The following SRGAP1 variants were observed in gnomAD, a reference collection of about 807,000 sequenced individuals.
SRGAP1 encodes SLIT-ROBO Rho GTPase-activating protein 1.
A neutral mutation model predicts 121.9 loss-of-function variants in SRGAP1; 43 were observed. The observed-to-expected ratio is 0.35, with a 90% CI of 0.28 to 0.46. The LOEUF is 0.46. Among genes scored for constraint, SRGAP1 ranks in the 20% least tolerant of loss-of-function variants. The pLI is 1.00. For missense variants in SRGAP1, 1,102 were observed against 1,350.9 expected, an observed-to-expected ratio of 0.82 and a Z score of 2.89; for synonymous variants, 447 against 485.4, an observed-to-expected ratio of 0.92 and a Z score of 1.04.
At chr12:64,049,311 G>T (rs535008662) in intron 6 of SRGAP1, among the ~76,000 whole-genome samples, 1 of 152,242 alleles carries the variant, frequency 6.6e-6, no homozygotes, top group African/African-American at 2.4e-5. Context: ...ATAAAGAACT[G>T]CCCAAGACTG....
rs1308299235 is a variant in SRGAP1 at position 64,156,175 on chromosome 12, T to C, written c.*13503T>C. The stretch of plus-strand genomic sequence containing the variant: ...TAACTACTGTTATCTTGCCTCCTTA[T>C]TGCTCCACACACTTGAAATATAAAT... On this transcript the variant is annotated 3_prime_UTR_variant, in exon 22 of 22. Transcript: ENST00000355086. 1 of 152,254 alleles carries C rather than the reference T, an allele frequency of 6.6e-6. No homozygotes were observed. Among genetic ancestry groups the C allele is most frequent in the African/African-American group, 2.4e-5 (1 of 41,466 alleles). 9.4% of individuals were successfully genotyped at this position (152,254 alleles called of 1,614,324 possible). A position where few individuals can be genotyped will look rare whatever the true frequency, so the allele number is the denominator to read the frequency against.
At chr12:63,897,636 A>G (rs1353776658) in intron 1 of SRGAP1, among the ~76,000 whole-genome samples, 1 of 152,178 alleles carries the variant, frequency 6.6e-6, no homozygotes, top group African/African-American at 2.4e-5. Flanking sequence ...GCTATTTCAG[A>G]TGTGTCTTAA....
chr12:64,051,561 A>G (rs77320097), intron 6 of SRGAP1, among the ~76,000 whole-genome samples: 1,629 of 152,318 alleles, frequency 0.011, 27 homozygotes, highest in African/African-American at 0.037. Flanking sequence ...TGTGTCATTG[A>G]CACTGTATTT....
chr12:64,068,942 G>C (rs1049221789), intron 8 of SRGAP1, among the ~76,000 whole-genome samples: 2 of 151,178 alleles, frequency 1.3e-5, no homozygotes, highest in Non-Finnish European at 2.9e-5. Flanking sequence ...CCCAGGAGGC[G>C]GAGGTTGCAG....
At chr12:64,012,080 A>G (rs576472943) in intron 3 of SRGAP1, among the ~76,000 whole-genome samples, 1 of 151,970 alleles carries the variant, frequency 6.6e-6, no homozygotes, top group East Asian at 1.9e-4. Context: ...AAAAAAAATT[A>G]TAATGAGCTG....
rs755668158 is a variant in SRGAP1, at chr12:64,016,946, A to T, written c.427-4A>T. 2.9e-5 allele frequency: 43 copies of T among 1,480,298 alleles called. No homozygotes were observed. The Admixed American group carries it at 7.9e-4, about 27-fold the overall frequency. The allele number at this position is 1,480,298 out of a possible 1,614,324, so 91.7% of individuals were successfully genotyped here. A position where few individuals can be genotyped will look rare whatever the true frequency, so the allele number is the denominator to read the frequency against. ...AAATATTCTTTTTTATTTTCTAATT[A>T]CAGAGCAAAGAGATTGCATTCCAAC... On this transcript the variant is annotated splice_region_variant and splice_polypyrimidine_tract_variant and intron_variant, in intron 3 of 21. Transcript: ENST00000355086.
chr12:64,077,385 G>T (rs555909575), intron 8 of SRGAP1, among the ~76,000 whole-genome samples: 4 of 151,440 alleles, frequency 2.6e-5, no homozygotes, highest in Admixed American at 6.6e-5. Flanking sequence ...ATAAGCACTC[G>T]ACATCAAAGA....
chr12:64,127,917 A>G lies in SRGAP1; in HGVS notation c.2597A>G (p.Asp866Gly), dbSNP rs952397992. 1 of 1,614,128 alleles carries G rather than the reference A, an allele frequency of 6.2e-7. No individual in the cohort carries two copies. The highest frequency in any genetic ancestry group is 8.5e-7 in the Non-Finnish European group (1 of 1,180,006). Residue 866 changes from aspartate to glycine, a missense_variant, in exon 21 of 22, where the codon GAT becomes GGT. By Grantham distance (94) the Asp-to-Gly change is moderately conservative (BLOSUM62 -1). Coordinates refer to ENST00000355086, the MANE Select transcript of SRGAP1 (RefSeq NM_020762.4). The part of the protein sequence containing the change: ...PPVRRPGRTS[D>G]GHCPLHPPHA... Reference sequence around the variant, plus strand: ...GTAAGGCGTCCTGGCAGGACCAGTGATGGCCATTGCCCGCTCCACCCTCCA... The same window carrying G: ...GTAAGGCGTCCTGGCAGGACCAGTGGTGGCCATTGCCCGCTCCACCCTCCA...
At position 64,146,518 on chromosome 12, in the gene SRGAP1, CAAAGTTA is replaced by C. The variant is rs1555178287; in HGVS notation, c.*3849_*3855del. ...TTTCATCTGATCAGCCTTGGAAATC[CAAAGTTA>C]AAGAGCCTATGTGTCTCTTGAGGCG... On this transcript the variant is annotated 3_prime_UTR_variant, in exon 22 of 22. Transcript: ENST00000355086. The C allele has an allele frequency of 1.3e-5, 2 of 152,078 alleles. No homozygotes were observed. The highest frequency in any genetic ancestry group is 2.9e-5 in the Non-Finnish European group (2 of 68,024). 9.4% of individuals were successfully genotyped at this position (152,078 alleles called of 1,614,324 possible). A position where few individuals can be genotyped will look rare whatever the true frequency, so the allele number is the denominator to read the frequency against.
chr12:64,139,176 A>G (rs541647088), intron 21 of SRGAP1, among the ~76,000 whole-genome samples: 5 of 152,190 alleles, frequency 3.3e-5, no homozygotes, highest in Non-Finnish European at 5.9e-5. Flanking sequence ...TCAGCTGCCA[A>G]TAATGCAGCC....
At chr12:63,891,008 T>A (rs1344053877) in intron 1 of SRGAP1, among the ~76,000 whole-genome samples, 1 of 152,184 alleles carries the variant, frequency 6.6e-6, no homozygotes, top group African/African-American at 2.4e-5. Flanking sequence ...CCTGCCTAGT[T>A]CCATGTTGCT....
intron 1 of SRGAP1, among the ~76,000 whole-genome samples, chr12:63,957,235 C>T (rs1010841507): frequency 6.6e-5 from 10 of 152,142 alleles, no homozygotes; most frequent in African/African-American, 1.9e-4. Context: ...AATCACAGGC[C>T]GGGGTCCTCA....
rs1174429349 is a variant in SRGAP1, at chr12:64,161,851, G to A, written c.*19179G>A. On this transcript the variant is annotated 3_prime_UTR_variant, in exon 22 of 22. Coordinates refer to ENST00000355086, the MANE Select transcript of SRGAP1 (RefSeq NM_020762.4). ...AGGGACAAATGAATAAGCAAATGTG[G>A]TATATTGATACAATGGAATACTATT... 6.6e-6 allele frequency: 1 copy of A among 152,170 alleles called. No homozygotes were observed. Among genetic ancestry groups the A allele is most frequent in the Non-Finnish European group, 1.5e-5 (1 of 68,034 alleles). The allele number at this position is 152,170 out of a possible 1,614,324, so 9.4% of individuals were successfully genotyped here.
At chr12:64,071,873 C>G (rs1040604518) in intron 8 of SRGAP1, among the ~76,000 whole-genome samples, 2 of 148,844 alleles carry the variant, frequency 1.3e-5, no homozygotes, top group Non-Finnish European at 3.0e-5. Flanking sequence ...TACCCTCACC[C>G]CCCCCCAAAA....
In SRGAP1 at chr12:64,093,880, G is replaced by A. The variant is rs144648103; in HGVS notation, c.1540-1052G>A. 7.0e-3 allele frequency among the ~76,000 whole-genome samples: 1,065 copies of A among 152,204 alleles called. 13 individuals are homozygous for A. Among genetic ancestry groups the A allele is most frequent in the African/African-American group, 0.024 (1,015 of 41,562 alleles). On this transcript the variant is annotated intron_variant, in intron 12 of 21. Coordinates refer to ENST00000355086, the MANE Select transcript of SRGAP1 (RefSeq NM_020762.4). ...ATACCCATTCCAGGAATAGTAAAGCGTTTAAATTGCTGAACTGCATTATTC... is the reference window on the plus strand; with the variant it reads ...ATACCCATTCCAGGAATAGTAAAGCATTTAAATTGCTGAACTGCATTATTC...
chr12:64,137,798 A>T (rs765855578), intron 21 of SRGAP1, among the ~76,000 whole-genome samples: 1 of 152,028 alleles, frequency 6.6e-6, no homozygotes, highest in Non-Finnish European at 1.5e-5. Flanking sequence ...ATGAATAGGG[A>T]AATCAGTTAC....
rs892698797 is a variant in SRGAP1 at position 64,153,563 on chromosome 12, A to G, written c.*10891A>G. On this transcript the variant is annotated 3_prime_UTR_variant, in exon 22 of 22. Transcript: ENST00000355086. The stretch of plus-strand genomic sequence containing the variant: ...TCCAAAAAGGAACATGACAGCATCT[A>G]TATTTTTAGAAGATGACCCTCAAAA... 2.0e-5 allele frequency: 3 copies of G among 152,130 alleles called. No homozygotes were observed. Among genetic ancestry groups the G allele is most frequent in the African/African-American group, 7.2e-5 (3 of 41,434 alleles). The allele number at this position is 152,130 out of a possible 1,614,324, so 9.4% of individuals were successfully genotyped here. A position where few individuals can be genotyped will look rare whatever the true frequency, so the allele number is the denominator to read the frequency against.
At chr12:64,003,906 A>G (rs953843108) in intron 3 of SRGAP1, among the ~76,000 whole-genome samples, 2 of 152,230 alleles carry the variant, frequency 1.3e-5, no homozygotes, top group Admixed American at 6.5e-5. Context: ...TACACACATC[A>G]TAATAAAACT....
chr12:64,022,538 C>T lies in SRGAP1; in HGVS notation c.489+5526C>T, dbSNP rs1280618018. ...TCTCATCCAGAAGCACTCTCACACA[C>T]ATCCAGAATCATGTTTGACCAAATA... On this transcript the variant is annotated intron_variant, in intron 4 of 21. Coordinates refer to ENST00000355086, the MANE Select transcript of SRGAP1 (RefSeq NM_020762.4). Among the ~76,000 whole-genome samples the T allele has an allele frequency of 2.0e-5, 3 of 152,202 alleles. No homozygotes were observed. In the East Asian group the frequency reaches 5.8e-4, roughly 29 times the overall value.
Sources: allele counts gnomAD v4.1 joint callset (sites outside exome capture counted in the v4.1 genomes callset), GRCh38; gene constraint gnomAD v4.1.1; transcripts MANE v1.5; gene names NCBI Gene and HGNC (gene_info 2026-07-23, HGNC 2026-07-21).